HS3ST2: variants seen among roughly 807,000 people sequenced by gnomAD.
The protein encoded by HS3ST2 is heparan sulfate-glucosamine 3-sulfotransferase 2.
In HS3ST2, 17 loss-of-function variants were observed where a neutral mutation model predicts 26.3. That is an observed-to-expected ratio of 0.65 (90% confidence interval 0.44 to 0.97). The LOEUF (loss-of-function observed/expected upper bound fraction) is 0.97, where lower values mean the gene tolerates loss of function less well. Ranked by LOEUF, HS3ST2 falls within the 50% of genes least tolerant of loss-of-function variation. The pLI, the probability that HS3ST2 is intolerant of heterozygous loss-of-function variation, is 0.00. For synonymous variants in HS3ST2, 237 were observed against 219.2 expected (o/e 1.08, Z -0.72); for missense variants, 402 against 501.2 (o/e 0.80, Z 1.89).
chr16:22,909,156 T>A (rs994975867), intron 1 of HS3ST2, among the ~76,000 whole-genome samples: 2 of 152,232 alleles, frequency 1.3e-5, no homozygotes, highest in East Asian at 1.9e-4. Context: ...AGCCTAACTT[T>A]GGACATGCAT....
chr16:22,907,806 G>A (rs934131583), intron 1 of HS3ST2, among the ~76,000 whole-genome samples: 4 of 152,274 alleles, frequency 2.6e-5, no homozygotes, highest in Non-Finnish European at 4.4e-5. Flanking sequence ...GTTAAAGGCT[G>A]GGGAAGGAAT....
At chr16:22,876,960 G>T (rs1323773142) in intron 1 of HS3ST2, among the ~76,000 whole-genome samples, 3 of 152,122 alleles carry the variant, frequency 2.0e-5, no homozygotes, top group Admixed American at 6.6e-5. Flanking sequence ...TGATACAATG[G>T]ACTTTGGGAA....
chr16:22,854,905 GC>G (rs1254919151), intron 1 of HS3ST2: 10 of 152,320 alleles, frequency 6.6e-5, no homozygotes, highest in Admixed American at 5.2e-4. Flanking sequence ...TTCCCAAAGT[GC>G]TGGGATTATA....
intron 1 of HS3ST2, among the ~76,000 whole-genome samples, chr16:22,827,551 C>T (rs539324749): frequency 6.6e-6 from 1 of 151,824 alleles, no homozygotes; most frequent in Non-Finnish European, 1.5e-5. Context: ...GGGACAGTGG[C>T]AGGATTTGCT....
chr16:22,868,526 C>T lies in HS3ST2; in HGVS notation c.486-46418C>T, dbSNP rs80034263. On this transcript the variant is annotated intron_variant, in intron 1 of 1. Transcript: ENST00000261374. ...TTCATTTTTTCCTTTACTTATTCGA[C>T]GTGTTATTTCCATGTATATCAGCTA... is the stretch of plus-strand genomic sequence containing the variant. Among the ~76,000 whole-genome samples, 555 of 151,596 alleles carry T rather than the reference C, an allele frequency of 3.7e-3. 12 individuals are homozygous for T. Among genetic ancestry groups the T allele is most frequent in the East Asian group, 0.033 (170 of 5,140 alleles).
chr16:22,862,856 G>A (rs931746864), intron 1 of HS3ST2, among the ~76,000 whole-genome samples: 20 of 152,222 alleles, frequency 1.3e-4, no homozygotes, highest in African/African-American at 1.9e-4. Flanking sequence ...GGTCTGTTTT[G>A]TTCACTGCTT....
intron 1 of HS3ST2, among the ~76,000 whole-genome samples, chr16:22,898,624 A>G (rs1902239622): frequency 6.6e-6 from 1 of 152,140 alleles, no homozygotes; most frequent in Non-Finnish European, 1.5e-5. Context: ...GGTTTTGCAA[A>G]TGCCTTCCAG....
At position 22,915,301 on chromosome 16, in the gene HS3ST2, G is replaced by A. The variant is rs148264643; in HGVS notation, c.843G>A (p.Pro281=). Residue 281 remains proline (P), a synonymous_variant, in exon 2 of 2, where the codon CCG becomes CCA. Transcript: ENST00000261374. ...GTGGCGAGCGACTCATCACTGACCC[G>A]GCCGGCGAGATGGGGCGAGTCCAGG... The part of the protein sequence containing the change: ...FVSGERLITD[P]AGEMGRVQDF... 8.9e-5 allele frequency: 143 copies of A among 1,613,872 alleles called. No individual in the cohort carries two copies. The highest frequency in any genetic ancestry group is 1.2e-4 in the Non-Finnish European group (136 of 1,180,024).
chr16:22,869,629 C>T (rs1392710484), intron 1 of HS3ST2, among the ~76,000 whole-genome samples: 3 of 152,136 alleles, frequency 2.0e-5, no homozygotes, highest in Non-Finnish European at 4.4e-5. Context: ...GAAACTCCCC[C>T]TTTTAAAACC....
chr16:22,886,904 G>T (rs1039077688), intron 1 of HS3ST2, among the ~76,000 whole-genome samples: 6 of 151,914 alleles, frequency 3.9e-5, no homozygotes, highest in African/African-American at 1.5e-4. Flanking sequence ...GGGACTACAG[G>T]TACACCTAGT....
intron 1 of HS3ST2, among the ~76,000 whole-genome samples, chr16:22,826,426 C>G (rs1901087407): frequency 6.6e-6 from 1 of 152,222 alleles, no homozygotes; most frequent in African/African-American, 2.4e-5. Context: ...GCCACCTAGT[C>G]TAGGCTGGCT....
intron 1 of HS3ST2, among the ~76,000 whole-genome samples, chr16:22,881,463 T>C (rs1901989972): frequency 6.6e-6 from 1 of 152,120 alleles, no homozygotes; most frequent in Non-Finnish European, 1.5e-5. Flanking sequence ...TCATCTCCTC[T>C]CAGTCTCCAG....
At position 22,822,449 on chromosome 16, in the gene HS3ST2, T is replaced by G. The variant is rs143483628; in HGVS notation, c.485+7354T>G. On this transcript the variant is annotated intron_variant, in intron 1 of 1. Transcript: ENST00000261374. ...TCCTAGAGTGCTGGGATTACAGGTG[T>G]GAGCCATCTCATCCAACCTTCTTAA... 5.2e-3 allele frequency among the ~76,000 whole-genome samples: 799 copies of G among 152,298 alleles called. 3 individuals are homozygous for G. The highest frequency in any genetic ancestry group is 0.014 in the African/African-American group (576 of 41,582).
rs1902474614 is a variant in HS3ST2 at position 22,915,023 on chromosome 16, C to T, written c.565C>T (p.Arg189Ter). The T allele has an allele frequency of 6.2e-7, 1 of 1,614,054 alleles. No individual in the cohort carries two copies. The highest frequency in any genetic ancestry group is 8.5e-7 in the Non-Finnish European group (1 of 1,180,020). The change falls in exon 2 of 2, where the codon CGA becomes TGA. Residue 189 changes from arginine (R) to a stop codon, truncating the protein, a stop_gained. Coordinates refer to ENST00000261374, the MANE Select transcript of HS3ST2 (RefSeq NM_006043.2). LOFTEE classifies it high-confidence loss of function. ...CTACTTTGTCACTCAAGAGGCTCCTCGACGCATCTTCAACATGTCCCGAGA... is the reference window on the plus strand; with the variant it reads ...CTACTTTGTCACTCAAGAGGCTCCTTGACGCATCTTCAACATGTCCCGAGA... ...PSYFVTQEAP[R>*]RIFNMSRDTK...
At chr16:22,840,351 C>G (rs2141181644) in intron 1 of HS3ST2, among the ~76,000 whole-genome samples, 1 of 152,088 alleles carries the variant, frequency 6.6e-6, no homozygotes. Flanking sequence ...GAAACCTTTG[C>G]AATTTACCAG....
chr16:22,868,326 T>C (rs1901784771), intron 1 of HS3ST2, among the ~76,000 whole-genome samples: 1 of 148,786 alleles, frequency 6.7e-6, no homozygotes, highest in Admixed American at 7.0e-5. Context: ...GGAGAATTGC[T>C]TGAACCCGGG....
intron 1 of HS3ST2, among the ~76,000 whole-genome samples, chr16:22,880,892 A>T (rs1756391960): frequency 6.6e-6 from 1 of 152,242 alleles, no homozygotes; most frequent in South Asian, 2.1e-4. Context: ...CTGCAAAATG[A>T]AATCAACATA....
intron 1 of HS3ST2, among the ~76,000 whole-genome samples, chr16:22,866,551 C>T (rs1416138998): frequency 6.6e-6 from 1 of 152,186 alleles, no homozygotes; most frequent in Non-Finnish European, 1.5e-5. Flanking sequence ...AGGCAGATCA[C>T]TTGAGCCCAG....
rs1466399898 is a variant in HS3ST2, at chr16:22,894,048, T to G, written c.486-20896T>G. 2.0e-5 allele frequency among the ~76,000 whole-genome samples: 3 copies of G among 152,328 alleles called. 1 individual carries two copies. In the South Asian group the frequency reaches 6.2e-4, roughly 32 times the overall value. On this transcript the variant is annotated intron_variant, in intron 1 of 1. Coordinates refer to ENST00000261374, the MANE Select transcript of HS3ST2 (RefSeq NM_006043.2). Reference sequence around the variant, plus strand: ...GTTGCCCAGGCTGGTCTTGAACTCCTGGGCTCAAATGATCTGCTGTCCTTG... The same window carrying G: ...GTTGCCCAGGCTGGTCTTGAACTCCGGGGCTCAAATGATCTGCTGTCCTTG...
Sources: allele counts gnomAD v4.1 joint callset (sites outside exome capture counted in the v4.1 genomes callset), GRCh38; gene constraint gnomAD v4.1.1; transcripts MANE v1.5; gene names NCBI Gene and HGNC (gene_info 2026-07-23, HGNC 2026-07-21).